The following DNM3 variants were observed in gnomAD, a reference collection of about 807,000 sequenced individuals.
The protein encoded by DNM3 is dynamin-3.
Under a neutral mutation model 101.6 loss-of-function variants are expected in DNM3, and 47 were observed. That is an observed-to-expected ratio of 0.46 (90% CI 0.37 to 0.59). DNM3 has a LOEUF of 0.59. Among genes scored for constraint, DNM3 ranks in the 20% least tolerant of loss-of-function variants. The pLI, the probability that DNM3 is intolerant of heterozygous loss-of-function variation, is 0.00. For synonymous variants in DNM3, 385 were observed against 387.9 expected, an observed-to-expected ratio of 0.99 and a Z score of 0.09; for missense variants, 849 against 1,085.7, an observed-to-expected ratio of 0.78 and a Z score of 3.06.
At chr1:172,019,695 T>C (rs955324914) in intron 4 of DNM3, among the ~76,000 whole-genome samples, 1 of 152,122 alleles carries the variant, frequency 6.6e-6, no homozygotes, top group Non-Finnish European at 1.5e-5. Flanking sequence ...TTTTAGATGT[T>C]TCTATTGAAA....
chr1:172,306,558 G>T (rs2064825530), intron 15 of DNM3, among the ~76,000 whole-genome samples: 1 of 152,190 alleles, frequency 6.6e-6, no homozygotes, highest in Non-Finnish European at 1.5e-5. Flanking sequence ...CCAAAAAAGA[G>T]CCCGCATTGC....
intron 15 of DNM3, among the ~76,000 whole-genome samples, chr1:172,288,583 A>G (rs2148810929): frequency 6.6e-6 from 1 of 152,314 alleles, no homozygotes. Flanking sequence ...ATAAGAGGTG[A>G]TGACATCCTG....
At chr1:171,889,336 A>C (rs916930627) in intron 1 of DNM3, among the ~76,000 whole-genome samples, 15 of 152,162 alleles carry the variant, frequency 9.9e-5, no homozygotes, top group African/African-American at 3.6e-4. Flanking sequence ...AAAATAAAAC[A>C]AAACAAAACG....
intron 14 of DNM3, among the ~76,000 whole-genome samples, chr1:172,165,863 T>C (rs1203608924): frequency 2.0e-5 from 3 of 152,128 alleles, no homozygotes; most frequent in Non-Finnish European, 4.4e-5. Context: ...TTTTGAATTC[T>C]TCACATTGCC....
At chr1:172,139,460 A>G (rs1362122087) in intron 14 of DNM3, 1 of 154,652 alleles carries the variant, frequency 6.5e-6, no homozygotes, top group Non-Finnish European at 1.4e-5. Flanking sequence ...TGATGCTCTG[A>G]TAATAGGATC....
At chr1:172,365,241 A>AGGAT (rs1379251598) in intron 17 of DNM3, among the ~76,000 whole-genome samples, 1 of 151,948 alleles carries the variant, frequency 6.6e-6, no homozygotes, top group Non-Finnish European at 1.5e-5. Context: ...AGGATTATAC[A>AGGAT]CTGAAATATT....
intron 1 of DNM3, among the ~76,000 whole-genome samples, chr1:171,852,501 G>T (rs927497367): frequency 6.6e-6 from 1 of 152,204 alleles, no homozygotes; most frequent in Admixed American, 6.5e-5. Context: ...GTGATCCAGT[G>T]GGTACAGGAT....
intron 12 of DNM3, among the ~76,000 whole-genome samples, chr1:172,090,784 G>A (rs578019399): frequency 6.6e-6 from 1 of 152,252 alleles, no homozygotes; most frequent in African/African-American, 2.4e-5. Context: ...TTGATCAGCT[G>A]TTCTAAGTGT....
intron 13 of DNM3, among the ~76,000 whole-genome samples, chr1:172,096,966 T>C (rs189440147): frequency 9.9e-5 from 15 of 152,264 alleles, no homozygotes; most frequent in Admixed American, 7.2e-4. Flanking sequence ...ATTCAAAATA[T>C]ATTCAGAGGG....
chr1:172,182,163 A>G (rs1277162517), intron 14 of DNM3, among the ~76,000 whole-genome samples: 1 of 151,900 alleles, frequency 6.6e-6, no homozygotes, highest in Non-Finnish European at 1.5e-5. Context: ...AGAGGAAAAA[A>G]ATGTGACAAC....
chr1:171,970,943 C>T (rs2043947228), intron 2 of DNM3, among the ~76,000 whole-genome samples: 1 of 152,050 alleles, frequency 6.6e-6, no homozygotes, highest in African/African-American at 2.4e-5. Flanking sequence ...CAAATTTCAG[C>T]ATTACCTTTA....
At chr1:172,314,653 G>C (rs2065238879) in intron 16 of DNM3, among the ~76,000 whole-genome samples, 1 of 152,226 alleles carries the variant, frequency 6.6e-6, no homozygotes, top group Non-Finnish European at 1.5e-5. Context: ...AGCAGTCTGA[G>C]ATCAAACTGC....
intron 2 of DNM3, among the ~76,000 whole-genome samples, chr1:171,947,031 CCAAA>C (rs2042214370): frequency 6.6e-6 from 1 of 152,128 alleles, no homozygotes; most frequent in African/African-American, 2.4e-5. Context: ...CTTGGTGGGA[CCAAA>C]CAAACGATAT....
chr1:172,144,979 T>C (rs2057799687), intron 14 of DNM3, among the ~76,000 whole-genome samples: 1 of 152,104 alleles, frequency 6.6e-6, no homozygotes, highest in Non-Finnish European at 1.5e-5. Context: ...GATGTTTTAG[T>C]GTAACGTTAA....
chr1:171,915,235 A>G (rs2039621210), intron 1 of DNM3, among the ~76,000 whole-genome samples: 1 of 152,192 alleles, frequency 6.6e-6, no homozygotes, highest in Non-Finnish European at 1.5e-5. Flanking sequence ...TTTGTAAGTG[A>G]TACTAAGATT....
chr1:172,339,656 GA>G (rs2066602059), intron 17 of DNM3, among the ~76,000 whole-genome samples: 1 of 152,118 alleles, frequency 6.6e-6, no homozygotes, highest in Admixed American at 6.5e-5. Context: ...GTTGATATGT[GA>G]AAGAAGCCTA....
intron 14 of DNM3, among the ~76,000 whole-genome samples, chr1:172,200,759 CT>C (rs2060124368): frequency 6.6e-6 from 1 of 152,058 alleles, no homozygotes; most frequent in African/African-American, 2.4e-5. Context: ...TCATTAGATT[CT>C]TTTTATACTG....
chr1:172,064,327 C>T (rs2051481922), intron 10 of DNM3, among the ~76,000 whole-genome samples: 1 of 151,818 alleles, frequency 6.6e-6, no homozygotes, highest in South Asian at 2.1e-4. Context: ...ATTTGACATT[C>T]AAATTAAAAA....
At chr1:171,919,915 C>T (rs886121089) in intron 1 of DNM3, among the ~76,000 whole-genome samples, 1 of 152,166 alleles carries the variant, frequency 6.6e-6, no homozygotes, top group Admixed American at 6.5e-5. Flanking sequence ...CAGCATCTCC[C>T]TAGCACTTCT....
Sources: allele counts gnomAD v4.1 joint callset (sites outside exome capture counted in the v4.1 genomes callset), GRCh38; gene constraint gnomAD v4.1.1; transcripts MANE v1.5; gene names NCBI Gene and HGNC (gene_info 2026-07-23, HGNC 2026-07-21).